MEP1A: variants seen among roughly 807,000 people sequenced by gnomAD.
MEP1A encodes the protein N-benzoyl-L-tyrosyl-P-amino-benzoic acid hydrolase subunit alpha.
In MEP1A, 68 loss-of-function variants were observed where a neutral mutation model predicts 84.5. The observed-to-expected ratio is 0.80, with a 90% CI of 0.66 to 0.98. MEP1A has a LOEUF of 0.98. Among genes scored for constraint, MEP1A ranks in the 50% least tolerant of loss-of-function variants. MEP1A has a pLI of 0.00. For synonymous variants in MEP1A, 337 were observed against 336.8 expected (o/e 1.00, Z -0.01); for missense variants, 887 against 919.9 (o/e 0.96, Z 0.46).
downstream of MEP1A, among the ~76,000 whole-genome samples, chr6:46,840,064 A>G (rs190145214): frequency 6.6e-6 from 1 of 152,152 alleles, no homozygotes; most frequent in East Asian, 1.9e-4. Flanking sequence ...AAGTTTCTAT[A>G]CCCAATCAGC....
chr6:46,835,608 G>A (rs12196017), intron 13 of MEP1A, 59 bp downstream of exon 13: 531,560 of 1,559,522 alleles, frequency 0.34, 93,085 homozygotes, highest in Admixed American at 0.38. Context: ...GTGCATGCTT[G>A]CTCCTGGTAA....
At chr6:46,823,965 A>G (rs1421134865) in intron 7 of MEP1A, among the ~76,000 whole-genome samples, 2 of 152,134 alleles carry the variant, frequency 1.3e-5, no homozygotes, top group East Asian at 3.9e-4. Context: ...GTTCTCCATG[A>G]GGCTATTTCT....
Position 46,826,476 on chromosome 6 carries a change from G to A in MEP1A, c.901G>A (p.Asp301Asn), listed in dbSNP as rs1250909280. 6 of 1,594,398 alleles carry A rather than the reference G, an allele frequency of 3.8e-6. No individual in the cohort carries two copies. The highest frequency in any genetic ancestry group is 1.3e-5 in the African/African-American group (1 of 74,532). ...GGACAGTGCTCAGGCTGGAGAAGTG[G>A]ATCACACCTTGTTGGGACAATGCAC... ...HQDSAQAGEV[D>N]HTLLGQCTGA... is the part of the protein sequence containing the mutation. Residue 301 changes from aspartate to asparagine, a missense_variant, in exon 9 of 14, where the codon GAT becomes AAT. Transcript: ENST00000230588.
intron 5 of MEP1A, among the ~76,000 whole-genome samples, chr6:46,803,163 G>A (rs1024427843): frequency 2.0e-5 from 3 of 151,320 alleles, no homozygotes; most frequent in Non-Finnish European, 3.0e-5. Flanking sequence ...AAAATTCACC[G>A]ATAAAATAAA....
At chr6:46,828,956 GT>G (rs1228219839) in intron 9 of MEP1A, among the ~76,000 whole-genome samples, 3 of 152,106 alleles carry the variant, frequency 2.0e-5, no homozygotes, top group African/African-American at 7.2e-5. Context: ...GAATTCCAGT[GT>G]CTTATACAAC....
intron 6 of MEP1A, among the ~76,000 whole-genome samples, chr6:46,814,066 CT>C (rs1348590675): frequency 6.6e-6 from 1 of 152,102 alleles, no homozygotes; most frequent in Non-Finnish European, 1.5e-5. Context: ...CCCAGGTGTT[CT>C]TTGAGATTCT....
intron 13 of MEP1A, among the ~76,000 whole-genome samples, chr6:46,836,106 ATAAGGGCTCTCCT>A (rs1196402130): frequency 6.6e-6 from 1 of 152,202 alleles, no homozygotes; most frequent in Non-Finnish European, 1.5e-5. Flanking sequence ...CACCTGTGAC[ATAAGGGCTCTCCT>A]TATCCCCGTT....
intron 6 of MEP1A, among the ~76,000 whole-genome samples, chr6:46,815,860 T>G (rs1767622686): frequency 6.6e-6 from 1 of 152,092 alleles, no homozygotes; most frequent in Admixed American, 6.6e-5. Context: ...AAAAGAAAAA[T>G]ACTGACAACT....
intron 11 of MEP1A, among the ~76,000 whole-genome samples, chr6:46,834,222 A>C (rs1204268367): frequency 1.3e-5 from 2 of 150,456 alleles, no homozygotes; most frequent in Non-Finnish European, 2.9e-5. Flanking sequence ...CACGCCTGGC[A>C]CTAATTTTTT....
At chr6:46,840,035 G>GAAAAAA (rs56187349), downstream of MEP1A, among the ~76,000 whole-genome samples, 1 of 117,086 alleles carries the variant, frequency 8.5e-6, no homozygotes, top group Non-Finnish European at 1.8e-5. Flanking sequence ...TAGAGCAAGT[G>GAAAAAA]AAAAAAAAAA....
chr6:46,801,235 C>CTAGAG (rs1767191808), intron 5 of MEP1A, among the ~76,000 whole-genome samples: 2 of 152,088 alleles, frequency 1.3e-5, no homozygotes, highest in African/African-American at 2.4e-5. Flanking sequence ...TACACTCCTC[C>CTAGAG]TGAAAATATA....
In MEP1A at chr6:46,833,896, C is replaced by G. The variant is rs1193843281; in HGVS notation, c.1609+358C>G. Among the ~76,000 whole-genome samples, 10 of 152,108 alleles carry G rather than the reference C, an allele frequency of 6.6e-5. No individual in the cohort carries two copies. The South Asian group carries it at 1.9e-3, about 29-fold the overall frequency. On this transcript the variant is annotated intron_variant, in intron 11 of 13. Transcript: ENST00000230588. ...GGAACTTGCTGGGCTCTGTGCAGAG[C>G]TAATGTACTTACTCCTAAAATAGTA...
rs913641596 is a variant in MEP1A, at chr6:46,809,315, C to T, written c.263-105C>T. 18 of 716,814 alleles carry T rather than the reference C, an allele frequency of 2.5e-5. No individual in the cohort carries two copies. In the African/African-American group the frequency reaches 2.7e-4, roughly 11 times the overall value. 44.4% of individuals were successfully genotyped at this position (716,814 alleles called of 1,614,324 possible). A position where few individuals can be genotyped will look rare whatever the true frequency, so the allele number is the denominator to read the frequency against. On this transcript the variant is annotated intron_variant, in intron 5 of 13. Transcript: ENST00000230588. The stretch of plus-strand genomic sequence containing the variant: ...TTATTACCAAAAACCCTATCATGCA[C>T]CTCTGTGGATTTAATGTGGCAGCAT...
chr6:46,820,317 C>T (rs754897906), intron 7 of MEP1A, among the ~76,000 whole-genome samples: 30 of 152,312 alleles, frequency 2.0e-4, no homozygotes, highest in Non-Finnish European at 4.1e-4. Flanking sequence ...CCACCTCATA[C>T]AATGCAAAAT....
chr6:46,809,677 ACATAC>A (rs1767447051), intron 6 of MEP1A, 140 bp downstream of exon 6: 1 of 602,298 alleles, frequency 1.7e-6, no homozygotes. Context: ...ATGAGTGAGA[ACATAC>A]AATGTTTGTT....
intron 6 of MEP1A, 74 bp downstream of exon 6, chr6:46,809,611 C>A: frequency 1.1e-6 from 1 of 930,274 alleles, no homozygotes; most frequent in Non-Finnish European, 1.7e-6. Context: ...CCCGAGTCCC[C>A]AAAGTCCAAT....
At chr6:46,840,475 T>G (rs1455853325), downstream of MEP1A, among the ~76,000 whole-genome samples, 1 of 152,192 alleles carries the variant, frequency 6.6e-6, no homozygotes, top group Non-Finnish European at 1.5e-5. Context: ...GCCATGCTGC[T>G]ACTGCTACTG....
chr6:46,809,013 G>A (rs1339587051), intron 5 of MEP1A, among the ~76,000 whole-genome samples: 3 of 151,930 alleles, frequency 2.0e-5, no homozygotes, highest in Non-Finnish European at 4.4e-5. Flanking sequence ...GTCAACTAAA[G>A]CCAGAGCTAC....
At chr6:46,842,202 G>A (rs1768343392), downstream of MEP1A, among the ~76,000 whole-genome samples, 1 of 152,062 alleles carries the variant, frequency 6.6e-6, no homozygotes, top group Non-Finnish European at 1.5e-5. Context: ...ATGTGTGTTT[G>A]AACAATAAGA....
Sources: gnomAD v4.1 joint callset for allele counts (sites outside exome capture counted in the v4.1 genomes callset) on GRCh38, gnomAD v4.1.1 for gene constraint, MANE v1.5 for transcripts, NCBI Gene and HGNC (gene_info 2026-07-23, HGNC 2026-07-21) for gene names.